PCDHGA3: variants seen among roughly 807,000 people sequenced by gnomAD.
PCDHGA3 encodes the protein protocadherin gamma subfamily A, 3.
Under a neutral mutation model 58.5 loss-of-function variants are expected in PCDHGA3, and 40 were observed. That is an observed-to-expected ratio of 0.68 (90% CI 0.53 to 0.89). The LOEUF is 0.89. Ranked by LOEUF, PCDHGA3 falls within the 40% of genes least tolerant of loss-of-function variation. PCDHGA3 has a pLI of 0.00. For synonymous variants in PCDHGA3, 530 were observed against 525.7 expected, an observed-to-expected ratio of 1.01 and a Z score of -0.11; for missense variants, 1,223 against 1,195.9, an observed-to-expected ratio of 1.02 and a Z score of -0.33.
In PCDHGA3 at chr5:141,350,895, T is replaced by C. The variant is rs746889815; in HGVS notation, c.2424+4438T>C. On this transcript the variant is annotated intron_variant, in intron 1 of 3. Coordinates refer to ENST00000253812, the MANE Select transcript of PCDHGA3 (RefSeq NM_018916.4). ...TCTCATCGCTTAATCCTGACTGCCATGGATGGCGGGGACCCGCCTCTAAGC... is the reference window on the plus strand; with the variant it reads ...TCTCATCGCTTAATCCTGACTGCCACGGATGGCGGGGACCCGCCTCTAAGC... 31 of 1,613,848 alleles carry C rather than the reference T, an allele frequency of 1.9e-5. No homozygotes were observed. The African/African-American group carries it at 2.5e-4, about 13-fold the overall frequency.
intron 1 of PCDHGA3, among the ~76,000 whole-genome samples, chr5:141,373,062 C>T (rs898228375): frequency 1.3e-5 from 2 of 152,140 alleles, no homozygotes; most frequent in African/African-American, 4.8e-5. Flanking sequence ...TAATCTGAAA[C>T]ATTTTTAATA....
chr5:141,445,814 TA>T (rs1554133713), intron 1 of PCDHGA3, among the ~76,000 whole-genome samples: 1 of 152,182 alleles, frequency 6.6e-6, no homozygotes, highest in Non-Finnish European at 1.5e-5. Context: ...TAGATGAAAC[TA>T]ATAAGGCAGG....
intron 1 of PCDHGA3, among the ~76,000 whole-genome samples, chr5:141,447,728 A>G (rs2098549955): frequency 6.6e-6 from 1 of 152,204 alleles, no homozygotes; most frequent in Non-Finnish European, 1.5e-5. Flanking sequence ...TCCAAAACTC[A>G]TTGAACTTAA....
At chr5:141,384,184 A>T (rs1179495803) in intron 1 of PCDHGA3, 1 of 1,613,758 alleles carries the variant, frequency 6.2e-7, no homozygotes, top group Non-Finnish European at 8.5e-7. Flanking sequence ...AGATGGTGGA[A>T]CTCCTCCCTT....
Position 141,489,524 on chromosome 5 carries a change from T to TA in PCDHGA3, c.2425-5282dup. Reference sequence around the variant, plus strand: ...AATCAAAAGATTGACCGAGAAAGCCTATGTGGAGCCAGCACCAGCTGCCTG... The same window carrying TA: ...AATCAAAAGATTGACCGAGAAAGCCTAATGTGGAGCCAGCACCAGCTGCCTG... On this transcript the variant is annotated intron_variant, in intron 1 of 3. Transcript: ENST00000253812. This position sits in a 1 kb window ranked among gnomAD's most constrained non-coding sequence, Gnocchi z 4.5. 6.2e-7 allele frequency: 1 copy of TA among 1,614,076 alleles called. No homozygotes were observed. Among genetic ancestry groups the TA allele is most frequent in the Non-Finnish European group, 8.5e-7 (1 of 1,180,010 alleles).
Position 141,486,572 on chromosome 5 carries a change from A to G in PCDHGA3, c.2425-8235A>G. 1 of 1,613,876 alleles carries G rather than the reference A, an allele frequency of 6.2e-7. No individual in the cohort carries two copies. Among genetic ancestry groups the G allele is most frequent in the Non-Finnish European group, 8.5e-7 (1 of 1,180,002 alleles). ...GTCACATGAGGTGTTTGTTCCTGAG[A>G]ACAATCGCCCAGGGGACCTGCTTTG... is the stretch of plus-strand genomic sequence containing the variant. On this transcript the variant is annotated intron_variant, in intron 1 of 3. Coordinates refer to ENST00000253812, the MANE Select transcript of PCDHGA3 (RefSeq NM_018916.4). This position sits in a 1 kb window ranked among gnomAD's most constrained non-coding sequence, Gnocchi z 5.0.
intron 1 of PCDHGA3, chr5:141,355,140 G>A (rs1011751215): frequency 1.3e-5 from 20 of 1,525,342 alleles, no homozygotes; most frequent in Non-Finnish European, 3.5e-6. Context: ...AAGATCCTGG[G>A]GCTCCTCAGG....
chr5:141,478,323 G>A, intron 1 of PCDHGA3: 2 of 1,613,958 alleles, frequency 1.2e-6, no homozygotes, highest in Non-Finnish European at 8.5e-7. Flanking sequence ...TCACTGTACC[G>A]AACACCAGGG....
chr5:141,498,807 C>G (rs113587634), intron 2 of PCDHGA3, among the ~76,000 whole-genome samples: 1 of 152,030 alleles, frequency 6.6e-6, no homozygotes, highest in Non-Finnish European at 1.5e-5. Flanking sequence ...GTGGTGCACA[C>G]CTGTAGTCCC....
intron 1 of PCDHGA3, chr5:141,393,420 G>A (rs2092755571): frequency 1.2e-6 from 2 of 1,614,050 alleles, no homozygotes; most frequent in Non-Finnish European, 1.7e-6. Context: ...CCTGGACAGG[G>A]AGGAAGAGGC....
At chr5:141,374,174 A>T in intron 1 of PCDHGA3, 1 of 1,613,482 alleles carries the variant, frequency 6.2e-7, no homozygotes, top group South Asian at 1.1e-5. Flanking sequence ...GGCAGCGCAG[A>T]TCCGCTACTC....
chr5:141,415,740 G>GTTTTTTTTT (rs57426385), intron 1 of PCDHGA3: 68 of 625,028 alleles, frequency 1.1e-4, no homozygotes, highest in African/African-American at 1.3e-4. Context: ...GTTTATTAAG[G>GTTTTTTTTT]TTTTTTTTTT....
At chr5:141,346,798 A>G (rs1182626077) in intron 1 of PCDHGA3, among the ~76,000 whole-genome samples, 1 of 152,192 alleles carries the variant, frequency 6.6e-6, no homozygotes, top group African/African-American at 2.4e-5. Context: ...GATGAGAGAA[A>G]CACAACACTG....
intron 2 of PCDHGA3, among the ~76,000 whole-genome samples, chr5:141,497,920 C>T (rs548251626): frequency 6.6e-6 from 1 of 152,336 alleles, no homozygotes; most frequent in East Asian, 1.9e-4. Flanking sequence ...CTCCTTCATT[C>T]ATTCAACAAA....
intron 1 of PCDHGA3, chr5:141,415,663 T>C: frequency 6.3e-7 from 1 of 1,578,204 alleles, no homozygotes; most frequent in Non-Finnish European, 8.6e-7. Flanking sequence ...GATTGGTTTT[T>C]ACTTTGAAGT....
In PCDHGA3 at chr5:141,404,595, T is replaced by C. The variant is rs1035989165; in HGVS notation, c.2424+58138T>C. On this transcript the variant is annotated intron_variant, in intron 1 of 3. Transcript: ENST00000253812. ...CCACCACTTAGCAGCAATGTGTCAT[T>C]GAGACTGTTTGTTTTGGACCAGAAT... is the stretch of plus-strand genomic sequence containing the variant. 44 of 1,613,678 alleles carry C rather than the reference T, an allele frequency of 2.7e-5. No homozygotes were observed. Among genetic ancestry groups the C allele is most frequent in the Non-Finnish European group, 3.6e-5 (43 of 1,179,690 alleles).
chr5:141,387,926 G>A (rs888934094), intron 1 of PCDHGA3: 1 of 1,236,078 alleles, frequency 8.1e-7, no homozygotes, highest in South Asian at 1.5e-5. Context: ...CTGAGAGGCT[G>A]CCAGTGCTCT....
intron 1 of PCDHGA3, chr5:141,408,577 T>C (rs771768269): frequency 6.2e-7 from 1 of 1,614,068 alleles, no homozygotes; most frequent in South Asian, 1.1e-5. Flanking sequence ...TGATTGAGGA[T>C]GTTAATGACC....
intron 1 of PCDHGA3, chr5:141,372,728 A>G (rs1769012432): frequency 1.2e-6 from 2 of 1,613,562 alleles, no homozygotes; most frequent in African/African-American, 2.7e-5. Flanking sequence ...CTGCACCACA[A>G]GATCTTCTAT....
Sources: gnomAD v4.1 joint callset for allele counts (sites outside exome capture counted in the v4.1 genomes callset) on GRCh38, gnomAD v4.1.1 for gene constraint, Gnocchi (gnomAD v3.1) non-coding constraint, MANE v1.5 for transcripts, NCBI Gene and HGNC (gene_info 2026-07-23, HGNC 2026-07-21) for gene names.